DPP6: variants seen among roughly 807,000 people sequenced by gnomAD.
The protein encoded by DPP6 is dipeptidyl peptidase like 6.
In DPP6, 69 loss-of-function variants were observed where a neutral mutation model predicts 122.6. The observed-to-expected ratio is 0.56, with a 90% confidence interval of 0.46 to 0.69. DPP6 has a LOEUF of 0.69. Ranked by LOEUF, DPP6 falls within the 30% of genes least tolerant of loss-of-function variation. The pLI is 0.00. For missense variants in DPP6, 928 were observed against 1,116.9 expected (o/e 0.83, Z 2.41); for synonymous variants, 418 against 433.1 (o/e 0.97, Z 0.43).
intron 1 of DPP6, among the ~76,000 whole-genome samples, chr7:154,119,625 G>C (rs1164495133): frequency 7.6e-6 from 1 of 131,016 alleles, no homozygotes; most frequent in Non-Finnish European, 1.8e-5. Context: ...TGGTTCATGT[G>C]TCTCAAGATT....
intron 10 of DPP6, among the ~76,000 whole-genome samples, chr7:154,792,088 G>A (rs1357294205): frequency 2.3e-4 from 35 of 152,250 alleles, no homozygotes; most frequent in Admixed American, 2.3e-3. Context: ...TAATTAGCAT[G>A]AAGGACATAG....
At chr7:153,849,141 T>C in the DPP6 span, among the ~76,000 whole-genome samples, 2 of 152,308 alleles carry the variant, frequency 1.3e-5, no homozygotes, top group East Asian at 1.9e-4. Context: ...TACTGAAATA[T>C]GGGGGACGTA....
intron 10 of DPP6, among the ~76,000 whole-genome samples, chr7:154,781,467 A>G (rs1797025615): frequency 6.6e-6 from 1 of 152,160 alleles, no homozygotes; most frequent in East Asian, 1.9e-4. Context: ...GTCTATTCCT[A>G]CATGGAAAGT....
chr7:154,834,212 A>G (rs1350596545), intron 16 of DPP6, among the ~76,000 whole-genome samples: 3 of 151,888 alleles, frequency 2.0e-5, no homozygotes, highest in African/African-American at 7.3e-5. Context: ...TCACTCCTGT[A>G]ATCCCAGCAC....
chr7:154,609,540 T>C (rs1232169656), intron 5 of DPP6, among the ~76,000 whole-genome samples: 5 of 152,202 alleles, frequency 3.3e-5, no homozygotes, highest in Non-Finnish European at 7.3e-5. Flanking sequence ...CAATACCTCT[T>C]CCAGTGTTTC....
chr7:154,299,758 C>T (rs542504959), intron 1 of DPP6, among the ~76,000 whole-genome samples: 70 of 152,300 alleles, frequency 4.6e-4, no homozygotes, highest in Non-Finnish European at 8.4e-4. Flanking sequence ...GTAGGGCTTT[C>T]GTCTGCACAT....
intron 5 of DPP6, among the ~76,000 whole-genome samples, chr7:154,575,805 T>TGTGTGTGTA (rs1174661827): frequency 2.0e-5 from 3 of 151,256 alleles, no homozygotes; most frequent in Non-Finnish European, 4.4e-5. Flanking sequence ...TCTGTGTGTT[T>TGTGTGTGTA]GTGTGTGTAG....
chr7:154,821,695 T>C lies in DPP6; in HGVS notation c.1666+14583T>C, dbSNP rs954706325. 6.8e-6 allele frequency among the ~76,000 whole-genome samples: 1 copy of C among 148,058 alleles called. No individual in the cohort carries two copies. The highest frequency in any genetic ancestry group is 1.5e-5 in the Non-Finnish European group (1 of 66,928). Reference sequence around the variant, plus strand: ...ATATATATACACACACATATATATATACACACACACATATATATATACAGA... The same window carrying C: ...ATATATATACACACACATATATATACACACACACACATATATATATACAGA... On this transcript the variant is annotated intron_variant, in intron 16 of 25. Coordinates refer to ENST00000377770, the MANE Select transcript of DPP6 (RefSeq NM_130797.4). This position sits in a 1 kb window ranked among gnomAD's most constrained non-coding sequence, Gnocchi z 4.2.
chr7:154,412,797 C>T (rs991557181), intron 1 of DPP6, among the ~76,000 whole-genome samples: 26 of 152,316 alleles, frequency 1.7e-4, no homozygotes, highest in Middle Eastern at 3.4e-3. Context: ...CTGGCCTCTG[C>T]CCTGCCCAGG....
chr7:154,333,189 G>T (rs1809106278), intron 1 of DPP6, among the ~76,000 whole-genome samples: 1 of 151,954 alleles, frequency 6.6e-6, no homozygotes, highest in Non-Finnish European at 1.5e-5. Flanking sequence ...TCTATACTCT[G>T]TAGCCCAGTT....
intron 1 of DPP6, among the ~76,000 whole-genome samples, chr7:154,104,629 C>T (rs1210904895): frequency 6.6e-6 from 1 of 152,280 alleles, no homozygotes; most frequent in Non-Finnish European, 1.5e-5. Flanking sequence ...CTGTGCTGTG[C>T]AGGCATCTGC....
At chr7:154,133,742 G>T (rs549121886) in intron 1 of DPP6, among the ~76,000 whole-genome samples, 1 of 151,336 alleles carries the variant, frequency 6.6e-6, no homozygotes, top group South Asian at 2.1e-4. Context: ...TTTAATTTCA[G>T]TAGTGGCTTT....
intron 1 of DPP6, among the ~76,000 whole-genome samples, chr7:154,134,837 A>G (rs1397709018): frequency 6.6e-6 from 1 of 151,340 alleles, no homozygotes; most frequent in Non-Finnish European, 1.5e-5. Context: ...TCCTGTGATC[A>G]TATATTTCCT....
the DPP6 span, among the ~76,000 whole-genome samples, chr7:153,799,950 T>C: frequency 6.6e-6 from 1 of 152,184 alleles, no homozygotes; most frequent in Non-Finnish European, 1.5e-5. Flanking sequence ...GAAAGGGGAA[T>C]GCTAGTACAC....
At chr7:154,659,406 A>C (rs538611412) in intron 6 of DPP6, among the ~76,000 whole-genome samples, 3 of 152,382 alleles carry the variant, frequency 2.0e-5, no homozygotes, top group South Asian at 4.1e-4. Context: ...ACACATATAC[A>C]TCTACACATT....
At chr7:154,117,852 GA>G (rs1807111187) in intron 1 of DPP6, among the ~76,000 whole-genome samples, 1 of 152,024 alleles carries the variant, frequency 6.6e-6, no homozygotes, top group Non-Finnish European at 1.5e-5. Context: ...AGCATGGCCA[GA>G]AGGCTGTTCT....
the DPP6 span, among the ~76,000 whole-genome samples, chr7:153,878,959 A>G: frequency 6.6e-6 from 1 of 152,050 alleles, no homozygotes; most frequent in African/African-American, 2.4e-5. Context: ...GGGAGATGGG[A>G]AAAAAGGAAG....
intron 1 of DPP6, among the ~76,000 whole-genome samples, chr7:154,239,560 A>G (rs1374528821): frequency 6.6e-6 from 1 of 152,154 alleles, no homozygotes; most frequent in Non-Finnish European, 1.5e-5. Flanking sequence ...AGATCACTTT[A>G]TTGTAAGATC....
At chr7:154,223,122 C>G (rs1800401620) in intron 1 of DPP6, among the ~76,000 whole-genome samples, 1 of 148,784 alleles carries the variant, frequency 6.7e-6, no homozygotes, top group African/African-American at 2.6e-5. Flanking sequence ...TTTGCATGTA[C>G]AAAGTCTGTT....
Sources: allele counts gnomAD v4.1 joint callset (sites outside exome capture counted in the v4.1 genomes callset), GRCh38; gene constraint gnomAD v4.1.1; non-coding constraint Gnocchi (gnomAD v3.1); transcripts MANE v1.5; gene names NCBI Gene and HGNC (gene_info 2026-07-23, HGNC 2026-07-21).